The following ERICH6B variants were observed in gnomAD, a reference collection of about 807,000 sequenced individuals.
ERICH6B encodes glutamate-rich protein 6B.
ERICH6B carries 69 observed loss-of-function variants against 80.0 expected under a neutral mutation model. That is an observed-to-expected ratio of 0.86 (90% CI 0.71 to 1.05). The LOEUF (loss-of-function observed/expected upper bound fraction) is 1.05, where lower values mean the gene tolerates loss of function less well. Ranked by LOEUF, ERICH6B falls within the 50% of genes least tolerant of loss-of-function variation. ERICH6B has a pLI of 0.00. For missense variants in ERICH6B, 754 were observed against 796.1 expected (o/e 0.95, Z 0.64); for synonymous variants, 283 against 291.9 (o/e 0.97, Z 0.31).
At chr13:45,577,276 C>CTTTTTTTTT (rs34244794) in intron 7 of ERICH6B, among the ~76,000 whole-genome samples, 11 of 86,090 alleles carry the variant, frequency 1.3e-4, no homozygotes, top group South Asian at 5.4e-4. Flanking sequence ...AAAAACAAAT[C>CTTTTTTTTT]TTTTTTTTTT....
chr13:45,548,924 T>A (rs1302833998), intron 13 of ERICH6B, among the ~76,000 whole-genome samples: 1 of 152,070 alleles, frequency 6.6e-6, no homozygotes, highest in Non-Finnish European at 1.5e-5. Flanking sequence ...AGAATGAAAA[T>A]CCTTTTTTGG....
In ERICH6B at chr13:45,561,421, T is replaced by C. The variant is rs2137975787; in HGVS notation, c.1355A>G (p.His452Arg). 6.4e-7 allele frequency: 1 copy of C among 1,552,380 alleles called. No individual in the cohort carries two copies. The highest frequency in any genetic ancestry group is 8.7e-7 in the Non-Finnish European group (1 of 1,147,152). ...ATCTCGTTCTAATTTCTTCCTATGATGAACAACACGTTGAGGCTTTTGGAT... is the reference window on the plus strand; with the variant it reads ...ATCTCGTTCTAATTTCTTCCTATGACGAACAACACGTTGAGGCTTTTGGAT... ...EEIQKPQRVVHHRKKLERDKE... is the reference protein window; with the variant it reads ...EEIQKPQRVVRHRKKLERDKE... Residue 452 changes from histidine to arginine, a missense_variant, in exon 11 of 15, where the codon CAT becomes CGT. His to Arg is a conservative substitution (Grantham distance 29). Transcript: ENST00000298738.
At chr13:45,601,934 T>G (rs1291727583) in intron 2 of ERICH6B, among the ~76,000 whole-genome samples, 1 of 151,952 alleles carries the variant, frequency 6.6e-6, no homozygotes, top group African/African-American at 2.4e-5. Context: ...GCATAAGGAG[T>G]GTCAGGCACT....
At chr13:45,546,678 T>C (rs1054024192) in intron 13 of ERICH6B, among the ~76,000 whole-genome samples, 6 of 152,154 alleles carry the variant, frequency 3.9e-5, no homozygotes, top group African/African-American at 1.4e-4. Flanking sequence ...TAAGTTCCCC[T>C]AGTAATCACC....
At position 45,596,355 on chromosome 13, in the gene ERICH6B, C is replaced by T; in HGVS notation, c.637+14G>A. 6.5e-7 allele frequency: 1 copy of T among 1,543,472 alleles called. No individual in the cohort carries two copies. The highest frequency in any genetic ancestry group is 8.7e-7 in the Non-Finnish European group (1 of 1,143,170). The stretch of plus-strand genomic sequence containing the variant: ...TTTCCTCCCATAGATGCTCTCCCTC[C>T]TCCAGATACTCACCTTTCAGATACT... On this transcript the variant is annotated intron_variant, in intron 3 of 14. Transcript: ENST00000298738.
chr13:45,558,555 T>C (rs1348625777), intron 11 of ERICH6B, among the ~76,000 whole-genome samples: 3 of 152,228 alleles, frequency 2.0e-5, no homozygotes, highest in Middle Eastern at 3.2e-3. Flanking sequence ...TTCAGTATTA[T>C]GTTGGCTGTG....
intron 3 of ERICH6B, among the ~76,000 whole-genome samples, chr13:45,595,801 C>G (rs1051405535): frequency 1.3e-4 from 20 of 151,626 alleles, no homozygotes; most frequent in African/African-American, 4.6e-4. Flanking sequence ...TGCCACCACA[C>G]CCGACTAAAT....
At chr13:45,547,912 G>T (rs1874054136) in intron 13 of ERICH6B, among the ~76,000 whole-genome samples, 1 of 152,198 alleles carries the variant, frequency 6.6e-6, no homozygotes, top group Non-Finnish European at 1.5e-5. Flanking sequence ...AGGGTGCCCA[G>T]CTCTGGGCTA....
In ERICH6B at chr13:45,561,545, A is replaced by G. The variant is rs1401919520; in HGVS notation, c.1250-19T>C. The G allele has an allele frequency of 1.3e-6, 2 of 1,549,650 alleles. No homozygotes were observed. The highest frequency in any genetic ancestry group is 1.7e-6 in the Non-Finnish European group (2 of 1,146,136). ...TTTTGAGCTGCCATTCAATTCAACG[A>G]TTGCATTGAATAAGATTTTGGTGGG... On this transcript the variant is annotated intron_variant, in intron 10 of 14. Transcript: ENST00000298738.
chr13:45,553,090 T>G (rs574356373), intron 11 of ERICH6B: 2 of 328,276 alleles, frequency 6.1e-6, no homozygotes, highest in East Asian at 9.7e-5. Flanking sequence ...TGCAAGACAT[T>G]CCTTAAACTG....
At chr13:45,581,531 C>G (rs1875667900) in intron 5 of ERICH6B, among the ~76,000 whole-genome samples, 1 of 152,168 alleles carries the variant, frequency 6.6e-6, no homozygotes, top group South Asian at 2.1e-4. Flanking sequence ...CGTGTGCCAC[C>G]ACACCTGGCT....
intron 5 of ERICH6B, among the ~76,000 whole-genome samples, chr13:45,584,485 A>C (rs17066943): frequency 0.039 from 5,910 of 152,332 alleles, 116 homozygotes; most frequent in South Asian, 0.043. Context: ...TAATAAAATC[A>C]TGCTTTGGAA....
At chr13:45,610,559 C>T (rs910806486) in intron 1 of ERICH6B, among the ~76,000 whole-genome samples, 2 of 152,186 alleles carry the variant, frequency 1.3e-5, no homozygotes, top group Admixed American at 6.5e-5. Flanking sequence ...CAGGAAGAAC[C>T]TGTCAGGTGG....
At chr13:45,549,209 GGGAGGCAGAGGTTGCAATGAGCCGA>G (rs1301457307) in intron 13 of ERICH6B, among the ~76,000 whole-genome samples, 4 of 152,048 alleles carry the variant, frequency 2.6e-5, no homozygotes, top group South Asian at 2.1e-4. Context: ...GCTTGAACCG[GGGAGGCAGAGGTTGCAATGAGCCGA>G]GATGACACCA....
At chr13:45,608,838 G>A (rs970415043) in intron 1 of ERICH6B, among the ~76,000 whole-genome samples, 7 of 152,168 alleles carry the variant, frequency 4.6e-5, no homozygotes, top group Admixed American at 6.5e-5. Flanking sequence ...TGTGGGCACC[G>A]TGAAAAATTC....
intron 13 of ERICH6B, among the ~76,000 whole-genome samples, chr13:45,549,223 G>A (rs1874111514): frequency 6.6e-6 from 1 of 151,786 alleles, no homozygotes; most frequent in African/African-American, 2.4e-5. Context: ...GGCAGAGGTT[G>A]CAATGAGCCG....
In ERICH6B at chr13:45,574,839, T is replaced by C. The variant is rs1875319910; in HGVS notation, c.1050+3A>G. On this transcript the variant is annotated splice_donor_region_variant and intron_variant, in intron 8 of 14. Coordinates refer to ENST00000298738, the MANE Select transcript of ERICH6B (RefSeq NM_182542.3). Reference sequence around the variant, plus strand: ...GGGGGTCTCAAGTTTTTATCCAACTTACGTTTTCATCTAAATCTTCCACTT... The same window carrying C: ...GGGGGTCTCAAGTTTTTATCCAACTCACGTTTTCATCTAAATCTTCCACTT... The C allele has an allele frequency of 6.5e-7, 1 of 1,548,102 alleles. No individual in the cohort carries two copies. The highest frequency in any genetic ancestry group is 2.0e-5 in the Admixed American group (1 of 50,970).
At position 45,587,064 on chromosome 13, in the gene ERICH6B, G is replaced by C; in HGVS notation, c.855C>G (p.Ala285=). The change falls in exon 5 of 15, where the codon GCC becomes GCG. Residue 285 remains alanine (A), a splice_region_variant and synonymous_variant. Transcript: ENST00000298738. ...CCGACAGAGCGCAGCTTCCCTCACC[G>C]GCAGTTCTGTCGTAGCACCAGTCTG... The part of the protein sequence containing the change: ...SQTDWCYDRT[A]VKSLKSKSET... 1 of 1,551,008 alleles carries C rather than the reference G, an allele frequency of 6.4e-7. No homozygotes were observed. Among genetic ancestry groups the C allele is most frequent in the East Asian group, 2.4e-5 (1 of 40,902 alleles).
At chr13:45,585,048 C>A (rs192346141) in intron 5 of ERICH6B, among the ~76,000 whole-genome samples, 1 of 152,200 alleles carries the variant, frequency 6.6e-6, no homozygotes, top group South Asian at 2.1e-4. Flanking sequence ...CTGTGTTTTA[C>A]ACCAAGCAAG....
Sources: gnomAD v4.1 joint callset for allele counts (sites outside exome capture counted in the v4.1 genomes callset) on GRCh38, gnomAD v4.1.1 for gene constraint, MANE v1.5 for transcripts, NCBI Gene and HGNC (gene_info 2026-07-23, HGNC 2026-07-21) for gene names.